Variants in NAV2 observed in about 807,000 individuals in gnomAD.
NAV2 encodes the protein helicase, APC down-regulated 1.
A neutral mutation model predicts 223.2 loss-of-function variants in NAV2; 54 were observed. That is an observed-to-expected ratio of 0.24 (90% CI 0.19 to 0.30). The LOEUF is 0.30. NAV2 is among the 10% of genes least tolerant of loss of function. The pLI, the probability that NAV2 is intolerant of heterozygous loss-of-function variation, is 1.00. For synonymous variants in NAV2, 1,279 were observed against 1,239.3 expected (o/e 1.03, Z -0.67); for missense variants, 2,806 against 3,147.5 (o/e 0.89, Z 2.60).
At position 19,445,186 on chromosome 11, in the gene NAV2, G is replaced by A. The variant is rs184891076; in HGVS notation, c.75+94159G>A. Among the ~76,000 whole-genome samples the A allele has an allele frequency of 2.0e-3, 309 of 152,280 alleles. 1 individual carries two copies. The highest frequency in any genetic ancestry group is 6.9e-3 in the African/African-American group (288 of 41,548). ...AGGTGCAAAACAGACAGTCAAACAC[G>A]GGAAGAGGAAATAAGGAATGTGGTC... is the stretch of plus-strand genomic sequence containing the variant. On this transcript the variant is annotated intron_variant, in intron 1 of 37. Coordinates refer to the NAV2 transcript ENST00000360655.
chr11:20,027,255 A>G (rs2055182979), intron 11 of NAV2: 7 of 984,964 alleles, frequency 7.1e-6, no homozygotes, highest in Non-Finnish European at 8.4e-6. Flanking sequence ...CTAAGCCTAC[A>G]GTTAGGCTTG....
intron 1 of NAV2, among the ~76,000 whole-genome samples, chr11:19,520,411 G>T (rs1040292230): frequency 1.3e-5 from 2 of 152,216 alleles, no homozygotes; most frequent in African/African-American, 4.8e-5. Flanking sequence ...GGCAAAATCC[G>T]CCCCGTGGCC....
chr11:19,389,142 A>G (rs932541990), intron 1 of NAV2, among the ~76,000 whole-genome samples: 1 of 152,212 alleles, frequency 6.6e-6, no homozygotes, highest in Non-Finnish European at 1.5e-5. Flanking sequence ...AGCAAAACTC[A>G]TAAACTTGTC....
intron 1 of NAV2, among the ~76,000 whole-genome samples, chr11:19,409,131 G>A (rs1850033640): frequency 6.6e-6 from 1 of 152,098 alleles, no homozygotes; most frequent in Admixed American, 6.5e-5. Context: ...AGCTTCCCTT[G>A]GTGAGCAAAT....
chr11:19,883,451 T>C (rs1224070840), intron 5 of NAV2, among the ~76,000 whole-genome samples: 1 of 152,208 alleles, frequency 6.6e-6, no homozygotes, highest in African/African-American at 2.4e-5. Context: ...GAGAGGAGCA[T>C]AGTCTCCAGG....
intron 1 of NAV2, among the ~76,000 whole-genome samples, chr11:19,765,905 C>T (rs576779611): frequency 5.9e-5 from 9 of 152,230 alleles, no homozygotes; most frequent in Non-Finnish European, 8.8e-5. Context: ...CCCTCAGTGG[C>T]TTCTCTCTCT....
chr11:19,939,160 G>A (rs575746441), intron 7 of NAV2, among the ~76,000 whole-genome samples: 84 of 152,278 alleles, frequency 5.5e-4, no homozygotes, highest in Admixed American at 5.2e-4. Flanking sequence ...GAGACCTGGA[G>A]GGCAAACACA....
At chr11:19,956,322 T>C (rs2047859907) in intron 10 of NAV2, among the ~76,000 whole-genome samples, 2 of 151,682 alleles carry the variant, frequency 1.3e-5, no homozygotes, top group Non-Finnish European at 2.9e-5. Context: ...ACGCCACAGG[T>C]TAAGGGCTCA....
At chr11:19,560,454 G>A (rs2045055183) in intron 1 of NAV2, among the ~76,000 whole-genome samples, 1 of 152,204 alleles carries the variant, frequency 6.6e-6, no homozygotes, top group African/African-American at 2.4e-5. Flanking sequence ...CTGAGCCTCA[G>A]TGTCTTCGCC....
chr11:19,950,487 A>G lies in NAV2; in HGVS notation c.2645+1407A>G, dbSNP rs987759919. On this transcript the variant is annotated intron_variant, in intron 10 of 37. Coordinates refer to ENST00000349880, the MANE Select transcript of NAV2 (RefSeq NM_145117.5). ...CATCTTGCCAACGTTTTATTGCTGTATTGAAATACTACAACTACTAGAGTT... is the reference window on the plus strand; with the variant it reads ...CATCTTGCCAACGTTTTATTGCTGTGTTGAAATACTACAACTACTAGAGTT... Among the ~76,000 whole-genome samples the G allele has an allele frequency of 2.6e-5, 4 of 152,256 alleles. No individual in the cohort carries two copies. In the East Asian group the frequency reaches 7.7e-4, roughly 29 times the overall value.
At chr11:19,638,445 T>G (rs2047564971) in intron 1 of NAV2, among the ~76,000 whole-genome samples, 1 of 152,226 alleles carries the variant, frequency 6.6e-6, no homozygotes, top group Non-Finnish European at 1.5e-5. Context: ...AGACCTGAGT[T>G]GCAAGCCTCA....
At position 20,081,906 on chromosome 11, in the gene NAV2, G is replaced by T. The variant is rs2289559; in HGVS notation, c.5326-1101G>T. Among the ~76,000 whole-genome samples, 726 of 152,282 alleles carry T rather than the reference G, an allele frequency of 4.8e-3. 42 individuals are homozygous for T. In the East Asian group the frequency reaches 0.11, roughly 23 times the overall value. On this transcript the variant is annotated intron_variant, in intron 25 of 37. Coordinates refer to ENST00000349880, the MANE Select transcript of NAV2 (RefSeq NM_145117.5). The stretch of plus-strand genomic sequence containing the variant: ...AAATCTGATTATGGCTTTCAGAGAA[G>T]ACATTGCATTTTAATTCTTTATGTT...
At chr11:19,656,595 T>C (rs1053872655) in intron 1 of NAV2, among the ~76,000 whole-genome samples, 1 of 152,192 alleles carries the variant, frequency 6.6e-6, no homozygotes, top group African/African-American at 2.4e-5. Context: ...CTGATCTCTC[T>C]GGTTGCTGAT....
At chr11:19,661,760 T>C (rs533460369) in intron 1 of NAV2, among the ~76,000 whole-genome samples, 26 of 152,348 alleles carry the variant, frequency 1.7e-4, no homozygotes, top group African/African-American at 6.0e-4. Context: ...TGGATTTCAT[T>C]GTTGATTTCA....
chr11:20,047,942 CAG>C (rs2153594738), intron 14 of NAV2, among the ~76,000 whole-genome samples: 1 of 152,272 alleles, frequency 6.6e-6, no homozygotes, highest in Admixed American at 6.5e-5. Context: ...AACATTCTAC[CAG>C]AGAGTTCTCT....
At chr11:19,788,146 A>C (rs2057271243) in intron 1 of NAV2, among the ~76,000 whole-genome samples, 1 of 152,140 alleles carries the variant, frequency 6.6e-6, no homozygotes, top group African/African-American at 2.4e-5. Context: ...AGCACTTTTG[A>C]CAGTTGGGGC....
intron 1 of NAV2, among the ~76,000 whole-genome samples, chr11:19,371,825 T>TCCA (rs1848481827): frequency 6.9e-6 from 1 of 144,874 alleles, no homozygotes; most frequent in Non-Finnish European, 1.5e-5. Flanking sequence ...AGGCTGGAGC[T>TCCA]GGAGTACAGT....
rs1180232616 is a variant in NAV2, at chr11:20,120,165, T to C, written c.*1907T>C. ...CTCTTGGCATCTTTTTTTAGTTTCT[T>C]ACCATAAGAGTTTGACCCGAAACTG... On this transcript the variant is annotated 3_prime_UTR_variant, in exon 38 of 38. Transcript: ENST00000349880. 6.6e-6 allele frequency: 1 copy of C among 152,220 alleles called. No individual in the cohort carries two copies. Among genetic ancestry groups the C allele is most frequent in the Non-Finnish European group, 1.5e-5 (1 of 68,028 alleles). 9.4% of individuals were successfully genotyped at this position (152,220 alleles called of 1,614,324 possible).
chr11:19,362,477 C>G (rs1162135314), intron 1 of NAV2, among the ~76,000 whole-genome samples: 1 of 152,098 alleles, frequency 6.6e-6, no homozygotes, highest in Non-Finnish European at 1.5e-5. Context: ...CGATCATTAA[C>G]TTTTTTAAAA....
Sources: allele counts gnomAD v4.1 joint callset (sites outside exome capture counted in the v4.1 genomes callset), GRCh38; gene constraint gnomAD v4.1.1; transcripts MANE v1.5; gene names NCBI Gene and HGNC (gene_info 2026-07-23, HGNC 2026-07-21).